The following SLC49A4 variants were observed in gnomAD, a reference collection of about 807,000 sequenced individuals.
SLC49A4 encodes the protein disrupted in renal cancer protein 2.
SLC49A4 carries 36 observed loss-of-function variants against 50.6 expected under a neutral mutation model. That is an observed-to-expected ratio of 0.71 (90% CI 0.55 to 0.94). The LOEUF (loss-of-function observed/expected upper bound fraction) is 0.94. SLC49A4 is among the 40% of genes least tolerant of loss of function. The pLI, the probability that SLC49A4 is intolerant of heterozygous loss-of-function variation, is 0.00. For synonymous variants in SLC49A4, 248 were observed against 241.2 expected (o/e 1.03, Z -0.26); for missense variants, 503 against 605.7 (o/e 0.83, Z 1.78).
intron 1 of SLC49A4, among the ~76,000 whole-genome samples, chr3:122,798,139 A>G (rs1936074449): frequency 6.6e-6 from 1 of 152,034 alleles, no homozygotes; most frequent in South Asian, 2.1e-4. Context: ...TTTAGTTGTA[A>G]TTTCTCTTTA....
intron 1 of SLC49A4, among the ~76,000 whole-genome samples, chr3:122,799,040 G>A (rs1936092900): frequency 6.6e-6 from 1 of 152,080 alleles, no homozygotes; most frequent in Non-Finnish European, 1.5e-5. Context: ...AAAAGGACTA[G>A]CCAGAGAGGT....
intron 7 of SLC49A4, among the ~76,000 whole-genome samples, chr3:122,866,997 A>G (rs570077962): frequency 6.6e-5 from 10 of 152,304 alleles, no homozygotes; most frequent in Admixed American, 4.6e-4. Flanking sequence ...TCCTTAGAGT[A>G]TAAGAGTGAT....
At chr3:122,813,240 CAAA>C (rs71621692) in intron 2 of SLC49A4, among the ~76,000 whole-genome samples, 7 of 85,244 alleles carry the variant, frequency 8.2e-5, no homozygotes, top group Non-Finnish European at 7.2e-5. Flanking sequence ...GACTCTGTCT[CAAA>C]AAAAAAAAAA....
At chr3:122,830,588 G>A (rs1232492916) in intron 3 of SLC49A4, among the ~76,000 whole-genome samples, 1 of 152,154 alleles carries the variant, frequency 6.6e-6, no homozygotes, top group Non-Finnish European at 1.5e-5. Context: ...TTCAGTAAAT[G>A]GTACAGGAAT....
intron 4 of SLC49A4, among the ~76,000 whole-genome samples, chr3:122,839,683 A>G (rs1936741248): frequency 6.6e-6 from 1 of 152,220 alleles, no homozygotes; most frequent in Admixed American, 6.5e-5. Flanking sequence ...TAAAACCACA[A>G]TTAGATACCA....
chr3:122,858,159 T>G (rs1012795084), intron 6 of SLC49A4, among the ~76,000 whole-genome samples: 16 of 152,232 alleles, frequency 1.1e-4, no homozygotes, highest in Non-Finnish European at 1.5e-5. Flanking sequence ...AGACCACTAT[T>G]AAAGATACTT....
chr3:122,860,511 A>T (rs1391698764), intron 7 of SLC49A4, among the ~76,000 whole-genome samples: 1 of 152,228 alleles, frequency 6.6e-6, no homozygotes. Flanking sequence ...TCTTGGTTAT[A>T]GTCATTATAT....
At chr3:122,855,114 GA>G in intron 5 of SLC49A4, among the ~76,000 whole-genome samples, 1 of 151,620 alleles carries the variant, frequency 6.6e-6, no homozygotes, top group Middle Eastern at 3.4e-3. Context: ...AAAAAAGAAA[GA>G]AAAAGAAAAA....
chr3:122,807,541 C>T lies in SLC49A4; in HGVS notation c.437+591C>T, dbSNP rs183708092. On this transcript the variant is annotated intron_variant, in intron 2 of 8. Coordinates refer to ENST00000261038, the MANE Select transcript of SLC49A4 (RefSeq NM_032839.3). Reference sequence around the variant, plus strand: ...TTATTCTTAGGGAGTGTAAGGTATACGAAGGTTTTAAATTTTGTTTTTATA... The same window carrying T: ...TTATTCTTAGGGAGTGTAAGGTATATGAAGGTTTTAAATTTTGTTTTTATA... Among the ~76,000 whole-genome samples the T allele has an allele frequency of 9.2e-5, 14 of 152,044 alleles. No individual in the cohort carries two copies. The East Asian group carries it at 1.5e-3, about 17-fold the overall frequency.
intron 1 of SLC49A4, among the ~76,000 whole-genome samples, chr3:122,799,186 C>T (rs879345220): frequency 6.6e-6 from 1 of 152,000 alleles, no homozygotes; most frequent in African/African-American, 2.4e-5. Context: ...AGACAGCAAA[C>T]AAGAAAAGCA....
chr3:122,870,803 G>T (rs1223449831), intron 7 of SLC49A4, among the ~76,000 whole-genome samples: 1 of 147,876 alleles, frequency 6.8e-6, no homozygotes, highest in East Asian at 2.1e-4. Flanking sequence ...AACAGAGCAA[G>T]ACTCCATCTC....
At chr3:122,867,382 A>C (rs995203657) in intron 7 of SLC49A4, among the ~76,000 whole-genome samples, 5 of 152,208 alleles carry the variant, frequency 3.3e-5, no homozygotes, top group African/African-American at 1.2e-4. Context: ...AGCCTTAATC[A>C]TATTATTAGC....
Position 122,810,099 on chromosome 3 carries a change from G to A in SLC49A4, c.437+3149G>A, listed in dbSNP as rs190837370. ...GTGTTTTTGTGGCCTTGTTTCACTCGGAGCTTTTTGAGCTTTTGACCCAGC... is the reference window on the plus strand; with the variant it reads ...GTGTTTTTGTGGCCTTGTTTCACTCAGAGCTTTTTGAGCTTTTGACCCAGC... On this transcript the variant is annotated intron_variant, in intron 2 of 8. Coordinates refer to ENST00000261038, the MANE Select transcript of SLC49A4 (RefSeq NM_032839.3). 1.3e-4 allele frequency among the ~76,000 whole-genome samples: 20 copies of A among 152,226 alleles called. No individual in the cohort carries two copies. In the East Asian group the frequency reaches 2.5e-3, roughly 19 times the overall value.
At chr3:122,827,214 G>A (rs1936543365) in intron 3 of SLC49A4, 149 bp downstream of exon 3, 2 of 861,952 alleles carry the variant, frequency 2.3e-6, no homozygotes, top group Non-Finnish European at 3.5e-6. Flanking sequence ...CTTGTCATAT[G>A]ATATAGAGAT....
chr3:122,878,662 A>G (rs1236246208), intron 8 of SLC49A4, among the ~76,000 whole-genome samples: 1 of 152,248 alleles, frequency 6.6e-6, no homozygotes, highest in African/African-American at 2.4e-5. Context: ...ATGCTGGTAG[A>G]GAAAAAGACT....
At chr3:122,810,975 A>G (rs1300623007) in intron 2 of SLC49A4, among the ~76,000 whole-genome samples, 1 of 152,220 alleles carries the variant, frequency 6.6e-6, no homozygotes, top group Non-Finnish European at 1.5e-5. Flanking sequence ...GAATCATAAA[A>G]GTATTAGAAC....
chr3:122,856,204 C>A, intron 5 of SLC49A4, 103 bp from the exon 6 acceptor site: 1 of 963,290 alleles, frequency 1.0e-6, no homozygotes, highest in Non-Finnish European at 1.6e-6. Context: ...TTTATTTCAT[C>A]CATTTAGCTA....
At chr3:122,813,316 T>C (rs1936325200) in intron 2 of SLC49A4, among the ~76,000 whole-genome samples, 1 of 152,208 alleles carries the variant, frequency 6.6e-6, no homozygotes, top group African/African-American at 2.4e-5. Context: ...TTTGTTGTTT[T>C]TGAAATACGG....
chr3:122,845,319 G>A (rs1936832527), intron 4 of SLC49A4, among the ~76,000 whole-genome samples: 1 of 152,136 alleles, frequency 6.6e-6, no homozygotes, highest in African/African-American at 2.4e-5. Flanking sequence ...TGTCTGTGGA[G>A]TATTCCATAG....
Sources: allele counts gnomAD v4.1 joint callset (sites outside exome capture counted in the v4.1 genomes callset), GRCh38; gene constraint gnomAD v4.1.1; transcripts MANE v1.5; gene names NCBI Gene and HGNC (gene_info 2026-07-23, HGNC 2026-07-21).